The following ATP8A1 variants were observed in gnomAD, a reference collection of about 807,000 sequenced individuals.
The protein encoded by ATP8A1 is ATPase phospholipid transporting 8A1.
Under a neutral mutation model 177.7 loss-of-function variants are expected in ATP8A1, and 90 were observed. The observed-to-expected ratio is 0.51, with a 90% CI of 0.43 to 0.60. ATP8A1 has a LOEUF of 0.60. ATP8A1 is among the 20% of genes least tolerant of loss of function. ATP8A1 has a pLI of 0.00. For synonymous variants in ATP8A1, 493 were observed against 485.9 expected, an observed-to-expected ratio of 1.01 and a Z score of -0.19; for missense variants, 1,072 against 1,392.8, an observed-to-expected ratio of 0.77 and a Z score of 3.67.
chr4:42,512,846 C>T (rs553088248), intron 22 of ATP8A1, among the ~76,000 whole-genome samples: 3 of 152,258 alleles, frequency 2.0e-5, no homozygotes, highest in East Asian at 1.9e-4. Context: ...GGTCTGAGAA[C>T]GTAACTATGA....
chr4:42,488,568 A>T (rs1722431931), intron 24 of ATP8A1, among the ~76,000 whole-genome samples: 2 of 152,104 alleles, frequency 1.3e-5, no homozygotes, highest in African/African-American at 4.8e-5. Context: ...TAAAACACAA[A>T]TCTTGTCTCT....
Position 42,446,725 on chromosome 4 carries a change from C to G in ATP8A1, c.2897-81G>C. The G allele has an allele frequency of 4.5e-6, 6 of 1,322,790 alleles. No homozygotes were observed. The South Asian group carries it at 6.3e-5, about 14-fold the overall frequency. The allele number at this position is 1,322,790 out of a possible 1,614,324, so 81.9% of individuals were successfully genotyped here. On this transcript the variant is annotated intron_variant, in intron 30 of 36. Transcript: ENST00000381668. ...TTCAAAGATATTCAGAAAGTTTGAA[C>G]GAAGGAAGGGAAATCAAGGGATACA...
At chr4:42,567,201 GT>G (rs1406715544) in intron 15 of ATP8A1, among the ~76,000 whole-genome samples, 2 of 152,106 alleles carry the variant, frequency 1.3e-5, no homozygotes. Flanking sequence ...AGGCCTATAG[GT>G]AATTACTTAT....
chr4:42,591,915 T>G (rs987546992), intron 6 of ATP8A1, among the ~76,000 whole-genome samples: 7 of 152,322 alleles, frequency 4.6e-5, no homozygotes, highest in African/African-American at 1.4e-4. Flanking sequence ...AATCATCATG[T>G]ACTTCTTTTG....
At chr4:42,415,331 T>C (rs1713114040) in intron 35 of ATP8A1, among the ~76,000 whole-genome samples, 1 of 152,140 alleles carries the variant, frequency 6.6e-6, no homozygotes, top group Non-Finnish European at 1.5e-5. Flanking sequence ...ATAATTATGG[T>C]AGGTGAAATA....
intron 33 of ATP8A1, among the ~76,000 whole-genome samples, chr4:42,425,466 GT>G (rs557311235): frequency 2.1e-4 from 32 of 151,400 alleles, no homozygotes; most frequent in Non-Finnish European, 3.8e-4. Flanking sequence ...AAGCCTGTCA[GT>G]TTTTTTTTCT....
At chr4:42,431,869 A>G (rs1420604056) in intron 33 of ATP8A1, among the ~76,000 whole-genome samples, 1 of 152,164 alleles carries the variant, frequency 6.6e-6, no homozygotes, top group East Asian at 1.9e-4. Context: ...TCTTCTCAGG[A>G]AGCATCTTCT....
intron 5 of ATP8A1, among the ~76,000 whole-genome samples, chr4:42,605,076 T>C (rs1735659679): frequency 6.6e-6 from 1 of 152,200 alleles, no homozygotes; most frequent in Admixed American, 6.5e-5. Flanking sequence ...ATGAAAATGT[T>C]CTAGAATTAA....
intron 19 of ATP8A1, among the ~76,000 whole-genome samples, chr4:42,548,542 T>C (rs1729161041): frequency 6.6e-6 from 1 of 152,250 alleles, no homozygotes; most frequent in Non-Finnish European, 1.5e-5. Context: ...AATACTTGTA[T>C]GTCTGGGAAC....
chr4:42,477,492 C>T (rs1238306347), intron 25 of ATP8A1, among the ~76,000 whole-genome samples: 2 of 152,170 alleles, frequency 1.3e-5, no homozygotes, highest in Non-Finnish European at 2.9e-5. Context: ...ATCCCCCTCT[C>T]TTTCTCTCTC....
At chr4:42,472,156 A>C in intron 25 of ATP8A1, 1 of 624,654 alleles carries the variant, frequency 1.6e-6, no homozygotes, top group Non-Finnish European at 3.1e-6. Flanking sequence ...AAGCAAAAAC[A>C]TCCTAGGAGC....
At chr4:42,495,774 A>G (rs535732304) in intron 24 of ATP8A1, among the ~76,000 whole-genome samples, 5 of 152,334 alleles carry the variant, frequency 3.3e-5, no homozygotes, top group African/African-American at 9.6e-5. Context: ...TGAAGTCATT[A>G]AAAACACATG....
intron 2 of ATP8A1, 59 bp from the exon 3 acceptor site, chr4:42,625,772 C>A (rs940827067): frequency 4.8e-6 from 5 of 1,046,974 alleles, no homozygotes; most frequent in African/African-American, 3.3e-5. Flanking sequence ...CCCACACTTA[C>A]AAAGTTCTGT....
chr4:42,595,395 T>C (rs745528650), intron 6 of ATP8A1, among the ~76,000 whole-genome samples: 1 of 152,134 alleles, frequency 6.6e-6, no homozygotes, highest in Non-Finnish European at 1.5e-5. Flanking sequence ...GCAGGGGTAT[T>C]GTCTTTTTAT....
intron 15 of ATP8A1, among the ~76,000 whole-genome samples, chr4:42,559,027 T>C (rs564007436): frequency 1.3e-5 from 2 of 152,194 alleles, no homozygotes; most frequent in Admixed American, 6.5e-5. Flanking sequence ...ATTAAAAAAT[T>C]AGCCAGGTCT....
At chr4:42,486,266 C>T (rs931767480) in intron 24 of ATP8A1, among the ~76,000 whole-genome samples, 7 of 152,156 alleles carry the variant, frequency 4.6e-5, no homozygotes, top group African/African-American at 1.2e-4. Flanking sequence ...CAAAGGAAGG[C>T]GGAAGTAACT....
At chr4:42,440,643 A>G (rs147837124) in intron 33 of ATP8A1, among the ~76,000 whole-genome samples, 128 of 152,276 alleles carry the variant, frequency 8.4e-4, no homozygotes, top group African/African-American at 2.9e-3. Flanking sequence ...AAAAATATAT[A>G]TATAGTCCTT....
intron 1 of ATP8A1, among the ~76,000 whole-genome samples, chr4:42,651,841 G>A (rs890307117): frequency 2.0e-5 from 3 of 152,160 alleles, no homozygotes; most frequent in Admixed American, 6.5e-5. Flanking sequence ...AGCCAACCCT[G>A]TCTACCTCCA....
chr4:42,518,000 C>G (rs1241748645), intron 22 of ATP8A1, among the ~76,000 whole-genome samples: 3 of 152,138 alleles, frequency 2.0e-5, no homozygotes, highest in Non-Finnish European at 4.4e-5. Flanking sequence ...ACCTGAGTAA[C>G]TAAGCATCAC....
Sources: allele counts gnomAD v4.1 joint callset (sites outside exome capture counted in the v4.1 genomes callset), GRCh38; gene constraint gnomAD v4.1.1; transcripts MANE v1.5; gene names NCBI Gene and HGNC (gene_info 2026-07-23, HGNC 2026-07-21).